The following TMEM204 variants were observed in gnomAD, a reference collection of about 807,000 sequenced individuals.
TMEM204 encodes the protein transmembrane protein 204.
TMEM204 carries 15 observed loss-of-function variants against 19.4 expected under a neutral mutation model. The ratio of observed to expected loss-of-function variants is 0.77; its 90% confidence interval spans 0.52 to 1.19. TMEM204 has a LOEUF of 1.19. TMEM204 is among the 50% of genes most tolerant of loss of function. The probability of loss-of-function intolerance (pLI) is 0.00; values close to 1 mark genes in which losing one functional copy is unlikely to be tolerated. For missense variants in TMEM204, 287 were observed against 321.2 expected (o/e 0.89, Z 0.81); for synonymous variants, 161 against 146.0 (o/e 1.10, Z -0.74).
At chr16:1,541,859 G>A (rs887723351) in intron 1 of TMEM204, 62 bp from the exon 2 acceptor site, 38 of 1,487,004 alleles carry the variant, frequency 2.6e-5, no homozygotes, top group Admixed American at 2.0e-4. Context: ...GTGGCGTGAC[G>A]GCTGGCGTGG....
intron 2 of TMEM204, among the ~76,000 whole-genome samples, chr16:1,543,219 A>G (rs906250538): frequency 6.6e-6 from 1 of 152,268 alleles, no homozygotes; most frequent in Non-Finnish European, 1.5e-5. Context: ...AGGCCGGTGC[A>G]GCGTTCTGCA....
chr16:1,550,951 G>A (rs945885954), intron 2 of TMEM204, among the ~76,000 whole-genome samples: 5 of 152,178 alleles, frequency 3.3e-5, no homozygotes, highest in African/African-American at 4.8e-5. Flanking sequence ...GGGTCCTTGG[G>A]AATCGTGCTG....
chr16:1,547,361 G>T (rs190995947), intron 2 of TMEM204, among the ~76,000 whole-genome samples: 1 of 152,284 alleles, frequency 6.6e-6, no homozygotes, highest in East Asian at 1.9e-4. Flanking sequence ...ATGGCATTTA[G>T]GTTTTCCTGG....
Position 1,534,461 on chromosome 16 carries a change from G to A in TMEM204, c.186G>A (p.Gly62=), listed in dbSNP as rs372701754. The change falls in exon 1 of 3, where the codon GGG becomes GGA. Residue 62 remains glycine, a synonymous_variant. Coordinates refer to ENST00000566264, the MANE Select transcript of TMEM204 (RefSeq NM_024600.6). ...VDRTRGGPSP[G]ARAGQVDAHD... ...GGACCCGGGGAGGGCCGAGCCCTGG[G>A]GCCAGAGCCGGCCAGGTGGACGCAC... 76 of 1,610,976 alleles carry A rather than the reference G, an allele frequency of 4.7e-5. No homozygotes were observed. The highest frequency in any genetic ancestry group is 1.7e-5 in the Admixed American group (1 of 59,978).
At chr16:1,534,697 G>A in intron 1 of TMEM204, 142 bp downstream of exon 1, 3 of 1,243,516 alleles carry the variant, frequency 2.4e-6, no homozygotes, top group Non-Finnish European at 3.4e-6. Context: ...CAGGCAGGAG[G>A]GGGCACTGTG....
At chr16:1,544,709 C>G (rs532922558) in intron 2 of TMEM204, among the ~76,000 whole-genome samples, 1 of 151,584 alleles carries the variant, frequency 6.6e-6, no homozygotes, top group Non-Finnish European at 1.5e-5. Flanking sequence ...AGTGCAGTGG[C>G]GCGATCTCGG....
intron 1 of TMEM204, chr16:1,540,740 C>A: frequency 1.3e-6 from 1 of 751,104 alleles, no homozygotes; most frequent in Non-Finnish European, 1.6e-6. Context: ...CTGAAGAGTG[C>A]CCTGAAATTT....
intron 2 of TMEM204, among the ~76,000 whole-genome samples, chr16:1,544,184 A>ATT (rs1237730678): frequency 3.3e-4 from 38 of 115,148 alleles, no homozygotes; most frequent in South Asian, 1.7e-3. Context: ...CGCCCCACTA[A>ATT]TTTTTTTTTT....
chr16:1,552,034 C>T (rs79038790), intron 2 of TMEM204, among the ~76,000 whole-genome samples: 2,873 of 152,272 alleles, frequency 0.019, 105 homozygotes, highest in East Asian at 0.18. Flanking sequence ...AACCGCAGAC[C>T]GTGAGGGAGG....
At chr16:1,544,853 T>C (rs1435716670) in intron 2 of TMEM204, among the ~76,000 whole-genome samples, 1 of 151,866 alleles carries the variant, frequency 6.6e-6, no homozygotes, top group Non-Finnish European at 1.5e-5. Flanking sequence ...TTTCACCGTG[T>C]TAGCCAGGAT....
chr16:1,541,324 C>G (rs1468808097), intron 1 of TMEM204: 2 of 985,168 alleles, frequency 2.0e-6, no homozygotes, highest in Non-Finnish European at 2.4e-6. Context: ...ATGTCTGACC[C>G]CTGCTCAGCC....
intron 2 of TMEM204, among the ~76,000 whole-genome samples, chr16:1,544,428 GC>G (rs1360839494): frequency 1.3e-5 from 2 of 151,420 alleles, no homozygotes; most frequent in African/African-American, 4.9e-5. Context: ...CTCGTGATCC[GC>G]CCACCTTGGC....
intron 2 of TMEM204, among the ~76,000 whole-genome samples, chr16:1,544,239 C>T (rs886493946): frequency 3.4e-5 from 5 of 148,098 alleles, no homozygotes; most frequent in Non-Finnish European, 6.0e-5. Context: ...GCTGGAGTGC[C>T]GTGGCACAAT....
chr16:1,539,606 G>T (rs1351958135), intron 1 of TMEM204, among the ~76,000 whole-genome samples: 1 of 152,252 alleles, frequency 6.6e-6, no homozygotes, highest in Non-Finnish European at 1.5e-5. Flanking sequence ...AACCTCGCGG[G>T]AGCGCTATGG....
At position 1,541,952 on chromosome 16, in the gene TMEM204, G is replaced by A. The variant is rs778851903; in HGVS notation, c.312G>A (p.Leu104=). Residue 104 remains leucine, a synonymous_variant, in exon 2 of 3, where the codon CTG becomes CTA. Coordinates refer to ENST00000566264, the MANE Select transcript of TMEM204 (RefSeq NM_024600.6). ...LQFDMMRACN[L]VATAALTAGQ... ...TCGACATGATGCGCGCCTGCAACCT[G>A]GTGGCCACGGCCGCGCTCACCGCAG... 3.2e-5 allele frequency: 51 copies of A among 1,608,524 alleles called. No homozygotes were observed. Among genetic ancestry groups the A allele is most frequent in the Non-Finnish European group, 3.9e-5 (46 of 1,178,532 alleles).
intron 2 of TMEM204, among the ~76,000 whole-genome samples, chr16:1,547,105 T>C (rs1279596070): frequency 1.3e-5 from 2 of 152,224 alleles, no homozygotes; most frequent in East Asian, 3.8e-4. Context: ...TCTCGCCTGC[T>C]TCTTCCTTGA....
upstream of TMEM204, among the ~76,000 whole-genome samples, chr16:1,529,581 G>T (rs116085678): frequency 1.3e-5 from 2 of 152,228 alleles, no homozygotes. Flanking sequence ...ACAGGGAGAG[G>T]CCTGAGCACC....
Position 1,554,924 on chromosome 16 carries a change from G to C in TMEM204, c.579G>C (p.Lys193Asn), listed in dbSNP as rs745970358. 1 of 1,614,214 alleles carries C rather than the reference G, an allele frequency of 6.2e-7. No individual in the cohort carries two copies. The highest frequency in any genetic ancestry group is 2.2e-5 in the East Asian group (1 of 44,888). The change falls in exon 3 of 3, where the codon AAG becomes AAC. Residue 193 changes from lysine (K) to asparagine (N), a missense_variant. Physicochemically the swap from Lys to Asn is moderately conservative, Grantham distance 94 (BLOSUM62 0). Coordinates refer to ENST00000566264, the MANE Select transcript of TMEM204 (RefSeq NM_024600.6). ...TGCTCATCTGGAACATTCTCCACAA[G>C]AGGGAGGACTGCATGGCCCCCCGGG... ...AAMLIWNILH[K>N]REDCMAPRVI... is the part of the protein sequence containing the mutation.
chr16:1,541,321 AC>A, intron 1 of TMEM204: 1 of 984,612 alleles, frequency 1.0e-6, no homozygotes, highest in Non-Finnish European at 1.2e-6. Context: ...CCCATGTCTG[AC>A]CCCTGCTCAG....
Sources: allele counts gnomAD v4.1 joint callset (sites outside exome capture counted in the v4.1 genomes callset), GRCh38; gene constraint gnomAD v4.1.1; transcripts MANE v1.5; gene names NCBI Gene and HGNC (gene_info 2026-07-23, HGNC 2026-07-21).